Variants in DIP2C observed in about 807,000 individuals in gnomAD.
The protein encoded by DIP2C is DIP2 acetate--CoA ligase C (putative).
A neutral mutation model predicts 192.4 loss-of-function variants in DIP2C; 33 were observed. That is an observed-to-expected ratio of 0.17 (90% CI 0.13 to 0.23). The LOEUF is 0.23. Ranked by LOEUF, DIP2C falls within the 10% of genes least tolerant of loss-of-function variation. The pLI is 1.00. For synonymous variants in DIP2C, 979 were observed against 864.1 expected (o/e 1.13, Z -2.33); for missense variants, 1,537 against 2,110.1 (o/e 0.73, Z 5.32).
chr10:578,551 C>T (rs61831058), intron 1 of DIP2C, among the ~76,000 whole-genome samples: 5,219 of 152,258 alleles, frequency 0.034, 173 homozygotes, highest in African/African-American at 0.085. Flanking sequence ...GTTCCTAAAT[C>T]ATTGCAAAGC....
intron 31 of DIP2C, among the ~76,000 whole-genome samples, chr10:324,273 G>T (rs961283375): frequency 1.3e-5 from 2 of 152,182 alleles, no homozygotes; most frequent in African/African-American, 4.8e-5. Flanking sequence ...AGGCTGACAT[G>T]AGCCCCTTCA....
chr10:555,980 C>T (rs545183939), intron 1 of DIP2C, among the ~76,000 whole-genome samples: 8 of 152,196 alleles, frequency 5.3e-5, no homozygotes, highest in African/African-American at 1.9e-4. Flanking sequence ...ACCCTGCCCC[C>T]AACACACCTC....
At chr10:389,830 T>C (rs1963312138) in intron 13 of DIP2C, among the ~76,000 whole-genome samples, 161 bp downstream of exon 13, 2 of 152,258 alleles carry the variant, frequency 1.3e-5, no homozygotes, top group African/African-American at 4.8e-5. Context: ...TTTGCTATGG[T>C]AGGCTGAGCT....
At chr10:285,560 T>C (rs1955068351) in intron 34 of DIP2C, among the ~76,000 whole-genome samples, 1 of 152,116 alleles carries the variant, frequency 6.6e-6, no homozygotes, top group Non-Finnish European at 1.5e-5. Flanking sequence ...TGCTTCCTCA[T>C]AGAAGCAGGA....
At chr10:453,453 A>G (rs1406646178) in intron 3 of DIP2C, among the ~76,000 whole-genome samples, 1 of 152,254 alleles carries the variant, frequency 6.6e-6, no homozygotes, top group Non-Finnish European at 1.5e-5. Flanking sequence ...CCTGAAATAC[A>G]AATGCTTAAA....
intron 1 of DIP2C, among the ~76,000 whole-genome samples, chr10:588,915 G>A (rs746919873): frequency 6.6e-6 from 1 of 152,182 alleles, no homozygotes; most frequent in African/African-American, 2.4e-5. Flanking sequence ...GTTCAGTTTT[G>A]TAAGAAACTG....
At chr10:279,408 C>G (rs1340121317) in intron 36 of DIP2C, among the ~76,000 whole-genome samples, 3 of 152,196 alleles carry the variant, frequency 2.0e-5, no homozygotes, top group African/African-American at 4.8e-5. Flanking sequence ...TCTGGAGGAA[C>G]AGAGCTGGCC....
At chr10:577,272 A>G (rs898057208) in intron 1 of DIP2C, among the ~76,000 whole-genome samples, 15 of 152,364 alleles carry the variant, frequency 9.8e-5, no homozygotes, top group African/African-American at 3.4e-4. Context: ...GAACATGTAA[A>G]TACAGTTTAT....
chr10:620,315 C>G (rs1853774228), intron 1 of DIP2C, among the ~76,000 whole-genome samples: 1 of 152,152 alleles, frequency 6.6e-6, no homozygotes, highest in South Asian at 2.1e-4. Context: ...TGGAAGGCGC[C>G]TTATCATTAA....
At chr10:530,890 T>C (rs1385256921) in intron 1 of DIP2C, among the ~76,000 whole-genome samples, 1 of 151,996 alleles carries the variant, frequency 6.6e-6, no homozygotes, top group Non-Finnish European at 1.5e-5. Context: ...TCCTCCACAG[T>C]CAGACAGCAG....
intron 36 of DIP2C, among the ~76,000 whole-genome samples, chr10:279,623 G>A (rs905574172): frequency 2.0e-5 from 3 of 152,242 alleles, no homozygotes; most frequent in Non-Finnish European, 4.4e-5. Context: ...TCTCAGCATG[G>A]AGCAGCCGAT....
intron 31 of DIP2C, among the ~76,000 whole-genome samples, chr10:313,065 G>A (rs147924617): frequency 6.6e-6 from 1 of 152,222 alleles, no homozygotes; most frequent in African/African-American, 2.4e-5. Context: ...ACATGAAGGA[G>A]ATAAAGAGGT....
intron 1 of DIP2C, among the ~76,000 whole-genome samples, chr10:683,147 G>T (rs1016372370): frequency 1.3e-5 from 2 of 152,226 alleles, no homozygotes; most frequent in African/African-American, 4.8e-5. Flanking sequence ...GGTTGTAATT[G>T]TAAATCTCAC....
intron 1 of DIP2C, among the ~76,000 whole-genome samples, chr10:647,940 T>C (rs1405940294): frequency 6.8e-6 from 1 of 147,242 alleles, no homozygotes; most frequent in East Asian, 2.1e-4. Flanking sequence ...CCACATTTGA[T>C]GGCGGGAGAG....
In DIP2C at chr10:357,897, A is replaced by G. The variant is rs147132678; in HGVS notation, c.2835T>C (p.Ser945=). The G allele has an allele frequency of 1.5e-5, 24 of 1,612,624 alleles. No individual in the cohort carries two copies. Among genetic ancestry groups the G allele is most frequent in the Non-Finnish European group, 1.9e-5 (23 of 1,179,920 alleles). ...CACTGGCCTGGGCGATTCTCTTCCCAGAGACCAGGTTCCCCACCATCACAG... is the reference window on the plus strand; with the variant it reads ...CACTGGCCTGGGCGATTCTCTTCCCGGAGACCAGGTTCCCCACCATCACAG... The part of the protein sequence containing the change: ...PASVMVGNLV[S]GKRIAQASGR... The change falls in exon 23 of 37, where the codon TCT becomes TCC. Residue 945 remains serine (S), a synonymous_variant. Transcript: ENST00000280886.
intron 1 of DIP2C, among the ~76,000 whole-genome samples, chr10:511,741 C>T (rs1295324519): frequency 6.6e-6 from 1 of 152,138 alleles, no homozygotes; most frequent in Non-Finnish European, 1.5e-5. Context: ...ACAGGGAGCA[C>T]CGAACAGGAG....
At chr10:474,486 TG>T (rs1469326791) in intron 2 of DIP2C, among the ~76,000 whole-genome samples, 1 of 152,204 alleles carries the variant, frequency 6.6e-6, no homozygotes, top group Non-Finnish European at 1.5e-5. Flanking sequence ...TCAATTTTCC[TG>T]GAAGTCCTCT....
intron 1 of DIP2C, chr10:663,874 C>T (rs186537841): frequency 5.6e-5 from 8 of 143,688 alleles, no homozygotes; most frequent in East Asian, 2.0e-4. Flanking sequence ...AGGGATCTGA[C>T]GCTTAGCACC....
chr10:388,540 G>A (rs1963172186), intron 13 of DIP2C, among the ~76,000 whole-genome samples: 2 of 152,132 alleles, frequency 1.3e-5, no homozygotes, highest in South Asian at 4.1e-4. Flanking sequence ...AACAACCTAA[G>A]TTCCTTTTGA....
Sources: gnomAD v4.1 joint callset for allele counts (sites outside exome capture counted in the v4.1 genomes callset) on GRCh38, gnomAD v4.1.1 for gene constraint, MANE v1.5 for transcripts, NCBI Gene and HGNC (gene_info 2026-07-23, HGNC 2026-07-21) for gene names.